SLC9A9: variants seen among roughly 807,000 people sequenced by gnomAD.
SLC9A9 encodes solute carrier family 9 member A9.
SLC9A9 carries 62 observed loss-of-function variants against 77.8 expected under a neutral mutation model. The ratio of observed to expected loss-of-function variants is 0.80; its 90% CI spans 0.65 to 0.98. The LOEUF (loss-of-function observed/expected upper bound fraction) is 0.98. SLC9A9 is among the 50% of genes least tolerant of loss of function. SLC9A9 has a pLI of 0.00. For missense variants in SLC9A9, 775 were observed against 774.9 expected, an observed-to-expected ratio of 1.00 and a Z score of 0.00; for synonymous variants, 320 against 283.5, an observed-to-expected ratio of 1.13 and a Z score of -1.29.
chr3:143,773,525 C>T (rs2007596232), intron 4 of SLC9A9, among the ~76,000 whole-genome samples: 1 of 148,706 alleles, frequency 6.7e-6, no homozygotes, highest in African/African-American at 2.5e-5. Flanking sequence ...GCTTTTGTTG[C>T]CCAGGCTGGA....
At chr3:143,499,606 C>T (rs1202294018) in intron 9 of SLC9A9, among the ~76,000 whole-genome samples, 2 of 152,050 alleles carry the variant, frequency 1.3e-5, no homozygotes, top group African/African-American at 4.8e-5. Context: ...AGTCATCATA[C>T]ATTTTTCATG....
At chr3:143,815,546 TAA>T (rs879891528) in intron 2 of SLC9A9, among the ~76,000 whole-genome samples, 2,629 of 151,212 alleles carry the variant, frequency 0.017, 69 homozygotes, top group African/African-American at 0.054. Flanking sequence ...TTTGCTATTT[TAA>T]AAAAAAAAAA....
intron 1 of SLC9A9, among the ~76,000 whole-genome samples, chr3:143,842,942 A>C (rs866924251): frequency 7.2e-5 from 11 of 152,222 alleles, no homozygotes; most frequent in Admixed American, 3.3e-4. Flanking sequence ...GGACTTTTGC[A>C]GCTGGAAGGG....
intron 12 of SLC9A9, among the ~76,000 whole-genome samples, chr3:143,426,117 C>A (rs2034400676): frequency 6.6e-6 from 1 of 152,128 alleles, no homozygotes; most frequent in South Asian, 2.1e-4. Flanking sequence ...GCCCAAGAAT[C>A]AATTACATCC....
At chr3:143,718,962 A>C (rs1934426393) in intron 4 of SLC9A9, among the ~76,000 whole-genome samples, 1 of 152,206 alleles carries the variant, frequency 6.6e-6, no homozygotes, top group African/African-American at 2.4e-5. Context: ...TCCTCTGCAC[A>C]ATGAAAACAA....
At chr3:143,596,404 G>A (rs2037752617) in intron 6 of SLC9A9, among the ~76,000 whole-genome samples, 1 of 152,068 alleles carries the variant, frequency 6.6e-6, no homozygotes, top group South Asian at 2.1e-4. Context: ...GAAGGATTTT[G>A]GTTTTGATGG....
chr3:143,313,378 A>G (rs1204385817), intron 14 of SLC9A9: 1 of 152,204 alleles, frequency 6.6e-6, no homozygotes, highest in Non-Finnish European at 1.5e-5. Context: ...CTATAGCCAT[A>G]GGAACATAGC....
At chr3:143,391,682 C>G (rs1005360315) in intron 12 of SLC9A9, among the ~76,000 whole-genome samples, 1 of 152,092 alleles carries the variant, frequency 6.6e-6, no homozygotes, top group Admixed American at 6.5e-5. Flanking sequence ...GACCCCCTGG[C>G]AAAGAAGCTA....
At chr3:143,660,404 T>G (rs2038961032) in intron 5 of SLC9A9, among the ~76,000 whole-genome samples, 1 of 152,128 alleles carries the variant, frequency 6.6e-6, no homozygotes, top group Non-Finnish European at 1.5e-5. Context: ...GACCTCAACT[T>G]TCAGCCCCAA....
chr3:143,326,728 G>A (rs186075514), intron 14 of SLC9A9, among the ~76,000 whole-genome samples: 5,196 of 152,220 alleles, frequency 0.034, 142 homozygotes, highest in African/African-American at 0.078. Context: ...TATTCTACTT[G>A]CTTAATTTGA....
intron 5 of SLC9A9, among the ~76,000 whole-genome samples, chr3:143,675,412 A>G (rs1012724082): frequency 6.6e-6 from 1 of 152,184 alleles, no homozygotes; most frequent in Non-Finnish European, 1.5e-5. Context: ...TCATCCATGC[A>G]TTTAATTTAG....
At chr3:143,817,739 G>A (rs2009058440) in intron 2 of SLC9A9, among the ~76,000 whole-genome samples, 1 of 151,960 alleles carries the variant, frequency 6.6e-6, no homozygotes, top group South Asian at 2.1e-4. Flanking sequence ...TGGCTCTTCT[G>A]CCATTTTCCA....
chr3:143,477,006 T>C (rs1337856476), intron 11 of SLC9A9, among the ~76,000 whole-genome samples: 2 of 152,246 alleles, frequency 1.3e-5, no homozygotes, highest in Admixed American at 6.5e-5. Flanking sequence ...TGTGACATTA[T>C]AAATAATGAC....
intron 4 of SLC9A9, among the ~76,000 whole-genome samples, chr3:143,774,705 C>A (rs35387281): frequency 0.44 from 66,887 of 151,120 alleles, 15,938 homozygotes; most frequent in African/African-American, 0.63. Flanking sequence ...TTGAACTATA[C>A]ATTGTAATAT....
At chr3:143,786,998 A>G (rs2008075958) in intron 4 of SLC9A9, among the ~76,000 whole-genome samples, 2 of 152,172 alleles carry the variant, frequency 1.3e-5, no homozygotes, top group South Asian at 4.2e-4. Flanking sequence ...CTGGGAAAAG[A>G]GAATGAAAAT....
intron 14 of SLC9A9, among the ~76,000 whole-genome samples, chr3:143,270,304 T>C (rs4839676): frequency 0.38 from 57,199 of 152,062 alleles, 13,617 homozygotes; most frequent in African/African-American, 0.68. Flanking sequence ...TTTCATTTTA[T>C]GTATGAAGGA....
At chr3:143,383,113 G>C (rs920379346) in intron 12 of SLC9A9, among the ~76,000 whole-genome samples, 1 of 152,200 alleles carries the variant, frequency 6.6e-6, no homozygotes, top group Non-Finnish European at 1.5e-5. Flanking sequence ...TTTCCATTTT[G>C]ATGAGGCATC....
intron 4 of SLC9A9, among the ~76,000 whole-genome samples, chr3:143,696,823 G>T (rs1933655235): frequency 1.3e-5 from 2 of 152,182 alleles, no homozygotes; most frequent in East Asian, 1.9e-4. Context: ...CCAAGGTATG[G>T]CAGGGTTACA....
rs147958626 is a variant in SLC9A9, at chr3:143,803,925, C to T, written c.379-7022G>A. Among the ~76,000 whole-genome samples the T allele has an allele frequency of 4.9e-3, 748 of 152,276 alleles. 7 individuals are homozygous for T. Among genetic ancestry groups the T allele is most frequent in the African/African-American group, 0.017 (717 of 41,554 alleles). On this transcript the variant is annotated intron_variant, in intron 2 of 15. Transcript: ENST00000316549. ...TTCTAGACAGGTCCAGCAAGACCTCCCCAGACATTTCACATCAGCAAGCTG... is the reference window on the plus strand; with the variant it reads ...TTCTAGACAGGTCCAGCAAGACCTCTCCAGACATTTCACATCAGCAAGCTG...
Sources: gnomAD v4.1 joint callset for allele counts (sites outside exome capture counted in the v4.1 genomes callset) on GRCh38, gnomAD v4.1.1 for gene constraint, MANE v1.5 for transcripts, NCBI Gene and HGNC (gene_info 2026-07-23, HGNC 2026-07-21) for gene names.